Variants in KNG1 observed in about 807,000 individuals in gnomAD.
KNG1 encodes kininogen-1.
A neutral mutation model predicts 47.8 loss-of-function variants in KNG1; 23 were observed. The ratio of observed to expected loss-of-function variants is 0.48; its 90% CI spans 0.35 to 0.68. The LOEUF (loss-of-function observed/expected upper bound fraction) is 0.68. KNG1 is among the 30% of genes least tolerant of loss of function. The pLI, the probability that KNG1 is intolerant of heterozygous loss-of-function variation, is 0.01. For synonymous variants in KNG1, 277 were observed against 277.0 expected (o/e 1.00, Z 0.00); for missense variants, 762 against 790.2 (o/e 0.96, Z 0.43).
At chr3:186,729,264 G>A (rs1473465138) in intron 5 of KNG1, among the ~76,000 whole-genome samples, 1 of 152,124 alleles carries the variant, frequency 6.6e-6, no homozygotes, top group Non-Finnish European at 1.5e-5. Context: ...AAATAATTTG[G>A]CAATTTCTGA....
At chr3:186,722,399 A>T (rs1720228437) in intron 2 of KNG1, 38 bp from the exon 3 acceptor site, 1 of 1,533,782 alleles carries the variant, frequency 6.5e-7, no homozygotes. Flanking sequence ...TTCCCATCTG[A>T]AAGATTAAGA....
chr3:186,722,370 C>A, intron 2 of KNG1, 67 bp from the exon 3 acceptor site: 1 of 1,274,322 alleles, frequency 7.8e-7, no homozygotes, highest in East Asian at 2.4e-5. Context: ...CCACATTTAG[C>A]AACAGTATTA....
chr3:186,729,429 T>C (rs1720452880), intron 5 of KNG1, among the ~76,000 whole-genome samples: 1 of 152,210 alleles, frequency 6.6e-6, no homozygotes, highest in African/African-American at 2.4e-5. Flanking sequence ...AACCCAAGTG[T>C]CTATCAATAG....
chr3:186,724,815 C>A (rs917308691), intron 3 of KNG1, among the ~76,000 whole-genome samples: 2 of 152,068 alleles, frequency 1.3e-5, no homozygotes, highest in African/African-American at 4.8e-5. Flanking sequence ...CCTGCCTCAG[C>A]CTCAGCCCCC....
chr3:186,742,196 T>G lies in KNG1; in HGVS notation c.1800T>G (p.Phe600Leu). The part of the protein sequence containing the change: ...DIQIDPNGLS[F>L]NPISDFPDTT... Reference sequence around the variant, plus strand: ...AGATAGACCCAAATGGCCTTTCATTTAACCCAATATCAGATTTTCCAGACA... The same window carrying G: ...AGATAGACCCAAATGGCCTTTCATTGAACCCAATATCAGATTTTCCAGACA... Residue 600 changes from phenylalanine (F) to leucine (L), a missense_variant, in exon 10 of 10, where the codon TTT becomes TTG. Transcript: ENST00000644859. The G allele has an allele frequency of 1.2e-6, 2 of 1,614,208 alleles. No individual in the cohort carries two copies. Among genetic ancestry groups the G allele is most frequent in the Non-Finnish European group, 1.7e-6 (2 of 1,180,044 alleles).
rs1444756794 is a variant in KNG1, at chr3:186,717,529, G to A, written c.-14G>A. ...GAAACCATCCCTCAGCTCCTAGAGG[G>A]AGATTGTTAGATCATGAAACTAATT... On this transcript the variant is annotated 5_prime_UTR_variant, in exon 1 of 10. Transcript: ENST00000644859. 4 of 1,594,064 alleles carry A rather than the reference G, an allele frequency of 2.5e-6. No homozygotes were observed. The highest frequency in any genetic ancestry group is 3.4e-6 in the Non-Finnish European group (4 of 1,163,174).
intron 4 of KNG1, among the ~76,000 whole-genome samples, chr3:186,726,888 G>A (rs1720387011): frequency 6.6e-6 from 1 of 152,114 alleles, no homozygotes; most frequent in African/African-American, 2.4e-5. Context: ...ATGAAATTCA[G>A]TAAACATTTC....
chr3:186,717,446 GA>G lies in KNG1; in HGVS notation c.-94del. 1 of 953,698 alleles carries G rather than the reference GA, an allele frequency of 1.0e-6. No individual in the cohort carries two copies. The highest frequency in any genetic ancestry group is 2.4e-5 in the East Asian group (1 of 41,194). 59.1% of individuals were successfully genotyped at this position (953,698 alleles called of 1,614,324 possible). A position where few individuals can be genotyped will look rare whatever the true frequency, so the allele number is the denominator to read the frequency against. On this transcript the variant is annotated 5_prime_UTR_variant, in exon 1 of 10. Coordinates refer to ENST00000644859, the MANE Select transcript of KNG1 (RefSeq NM_001102416.3). The stretch of plus-strand genomic sequence containing the variant: ...TTCTGAGGCAGAGAGGAGGACAGAA[GA>G]AACAAGAGGCTGGAGATTGTCAAAT...
At position 186,729,474 on chromosome 3, in the gene KNG1, C is replaced by T. The variant is rs183011260; in HGVS notation, c.673-2071C>T. On this transcript the variant is annotated intron_variant, in intron 5 of 9. Transcript: ENST00000644859. Reference sequence around the variant, plus strand: ...TAAACAAAATGTGCTATTATATATACACAATGAAACACTGTTCACCCTTTA... The same window carrying T: ...TAAACAAAATGTGCTATTATATATATACAATGAAACACTGTTCACCCTTTA... Among the ~76,000 whole-genome samples, 4 of 152,224 alleles carry T rather than the reference C, an allele frequency of 2.6e-5. No homozygotes were observed. In the East Asian group the frequency reaches 7.7e-4, roughly 29 times the overall value.
At chr3:186,722,175 G>A (rs5029997) in intron 2 of KNG1, 6,234 of 377,626 alleles carry the variant, frequency 0.017, 389 homozygotes, top group African/African-American at 0.12. Flanking sequence ...TACCCTCCAG[G>A]GCTCAAAACA....
In KNG1 at chr3:186,742,417, T is replaced by C. The variant is rs980780123; in HGVS notation, c.*86T>C. The stretch of plus-strand genomic sequence containing the variant: ...TTGTCCAGATGAAAATATCCTGATA[T>C]AATGCACCAAAAACCATGCAGCTTC... On this transcript the variant is annotated 3_prime_UTR_variant, in exon 10 of 10. Transcript: ENST00000644859. 10 of 1,585,388 alleles carry C rather than the reference T, an allele frequency of 6.3e-6. No individual in the cohort carries two copies. The highest frequency in any genetic ancestry group is 7.7e-6 in the Non-Finnish European group (9 of 1,172,350).
At position 186,739,131 on chromosome 3, in the gene KNG1, C is replaced by T. The variant is rs778612274; in HGVS notation, c.963C>T (p.Phe321=). 4.8e-5 allele frequency: 77 copies of T among 1,613,870 alleles called. No homozygotes were observed. The highest frequency in any genetic ancestry group is 2.2e-5 in the East Asian group (1 of 44,896). The change falls in exon 8 of 10, where the codon TTC becomes TTT. Residue 321 remains phenylalanine, a synonymous_variant. Transcript: ENST00000644859. ...CTGGCAAGAAATATTTTATTGACTT[C>T]GTGGCCAGGGAAACCACATGTTCCA... The part of the protein sequence containing the change: ...VVAGKKYFID[F]VARETTCSKE...
At chr3:186,731,353 G>A (rs551056035) in intron 5 of KNG1, among the ~76,000 whole-genome samples, 192 bp from the exon 6 acceptor site, 2 of 152,150 alleles carry the variant, frequency 1.3e-5, no homozygotes, top group South Asian at 4.2e-4. Flanking sequence ...GTATATGCAT[G>A]TATTTGTTGA....
In KNG1 at chr3:186,717,632, C is replaced by T. The variant is rs749151709; in HGVS notation, c.90C>T (p.Asp30=). ...AGTCCGAGGAAATTGACTGCAATGACAAGGATTTATTTAAAGCTGTGGATG... is the reference window on the plus strand; with the variant it reads ...AGTCCGAGGAAATTGACTGCAATGATAAGGATTTATTTAAAGCTGTGGATG... The part of the protein sequence containing the change: ...ESQSEEIDCN[D]KDLFKAVDAA... The change falls in exon 1 of 10, where the codon GAC becomes GAT. Residue 30 remains aspartate, a synonymous_variant. Coordinates refer to ENST00000644859, the MANE Select transcript of KNG1 (RefSeq NM_001102416.3). 2 of 1,612,844 alleles carry T rather than the reference C, an allele frequency of 1.2e-6. No individual in the cohort carries two copies. The highest frequency in any genetic ancestry group is 8.5e-7 in the Non-Finnish European group (1 of 1,179,334).
At chr3:186,729,489 T>C (rs1579120782) in intron 5 of KNG1, among the ~76,000 whole-genome samples, 2 of 152,306 alleles carry the variant, frequency 1.3e-5, no homozygotes, top group East Asian at 1.9e-4. Flanking sequence ...TGAAACACTG[T>C]TCACCCTTTA....
Position 186,717,557 on chromosome 3 carries a change from C to G in KNG1, c.15C>G (p.Thr5=). ...ATTGTTAGATCATGAAACTAATTACCATCCTTTTCCTCTGCTCCAGGCTGC... is the reference window on the plus strand; with the variant it reads ...ATTGTTAGATCATGAAACTAATTACGATCCTTTTCCTCTGCTCCAGGCTGC... The part of the protein sequence containing the change: MKLI[T]ILFLCSRLLL... The change falls in exon 1 of 10, where the codon ACC becomes ACG. Residue 5 remains threonine, a synonymous_variant. Transcript: ENST00000644859. 1 of 1,610,946 alleles carries G rather than the reference C, an allele frequency of 6.2e-7. No homozygotes were observed. Among genetic ancestry groups the G allele is most frequent in the Non-Finnish European group, 8.5e-7 (1 of 1,177,994 alleles).
rs373470966 is a variant in KNG1 at position 186,728,803 on chromosome 3, T to A, written c.672+1459T>A. On this transcript the variant is annotated intron_variant, in intron 5 of 9. Transcript: ENST00000644859. ...AGTAGCTGGGATTACAGGCGCCCGC[T>A]GCAACGCCAGGCTAATTTTTGTATT... 1.2e-4 allele frequency: 18 copies of A among 152,216 alleles called. 1 individual carries two copies. The highest frequency in any genetic ancestry group is 4.3e-4 in the African/African-American group (18 of 41,532). The allele number at this position is 152,216 out of a possible 1,614,324, so 9.4% of individuals were successfully genotyped here. A position where few individuals can be genotyped will look rare whatever the true frequency, so the allele number is the denominator to read the frequency against.
chr3:186,730,153 GT>G (rs34650598), intron 5 of KNG1, among the ~76,000 whole-genome samples: 60,128 of 147,702 alleles, frequency 0.41, 12,143 homozygotes, highest in South Asian at 0.49. Flanking sequence ...TTGTTATTTT[GT>G]TTTTTTTTTC....
intron 4 of KNG1, 97 bp from the exon 5 acceptor site, chr3:186,727,140 A>T (rs1202902032): frequency 1.2e-6 from 1 of 863,842 alleles, no homozygotes; most frequent in East Asian, 2.5e-5. Context: ...CACTTATTAT[A>T]TTGCCACACT....
Sources: gnomAD v4.1 joint callset for allele counts (sites outside exome capture counted in the v4.1 genomes callset) on GRCh38, gnomAD v4.1.1 for gene constraint, MANE v1.5 for transcripts, NCBI Gene and HGNC (gene_info 2026-07-23, HGNC 2026-07-21) for gene names.